CFAP43: variants seen among roughly 807,000 people sequenced by gnomAD.
CFAP43 encodes the protein cilia- and flagella-associated protein 43.
CFAP43 carries 155 observed loss-of-function variants against 218.9 expected under a neutral mutation model. The observed-to-expected ratio is 0.71, with a 90% CI of 0.62 to 0.81. The LOEUF (loss-of-function observed/expected upper bound fraction) is 0.81, where lower values mean the gene tolerates loss of function less well. CFAP43 is among the 30% of genes least tolerant of loss of function. The pLI is 0.00. For synonymous variants in CFAP43, 645 were observed against 681.3 expected, an observed-to-expected ratio of 0.95 and a Z score of 0.83; for missense variants, 1,778 against 1,954.3, an observed-to-expected ratio of 0.91 and a Z score of 1.70.
intron 19 of CFAP43, among the ~76,000 whole-genome samples, chr10:104,174,526 T>C (rs2089538112): frequency 6.6e-6 from 1 of 152,170 alleles, no homozygotes; most frequent in South Asian, 2.1e-4. Context: ...TTATGGGAGC[T>C]ACAATTCAAG....
At chr10:104,181,094 T>G (rs2089826125) in intron 17 of CFAP43, among the ~76,000 whole-genome samples, 1 of 152,200 alleles carries the variant, frequency 6.6e-6, no homozygotes, top group Non-Finnish European at 1.5e-5. Context: ...CTAACAGGCT[T>G]CTCGAGCTTA....
At position 104,164,185 on chromosome 10, in the gene CFAP43, A is replaced by G; in HGVS notation, c.3155T>C (p.Ile1052Thr). Reference protein sequence around the residue: ...KERNVRIREIILDLELEEAVW... With the variant: ...KERNVRIREITLDLELEEAVW... ...TGCTTCTTCCAATTCCAGATCTAAA[A>G]TAATTTCTCGAATTCGAACATTTCT... The change falls in exon 24 of 38, where the codon ATT (isoleucine) becomes ACT (threonine). Residue 1052 changes from isoleucine (I) to threonine (T), a missense_variant. Ile to Thr is a moderately conservative substitution (Grantham distance 89, BLOSUM62 -1). This residue lies in a region of CFAP43 where 1,553 missense variants were observed against 1,685.2 expected (regional missense o/e 0.92). Coordinates refer to ENST00000357060, the MANE Select transcript of CFAP43 (RefSeq NM_025145.7). 9.9e-6 allele frequency: 16 copies of G among 1,614,180 alleles called. No individual in the cohort carries two copies. The highest frequency in any genetic ancestry group is 1.4e-5 in the Non-Finnish European group (16 of 1,180,032).
At chr10:104,167,952 T>C (rs2089245038) in intron 21 of CFAP43, among the ~76,000 whole-genome samples, 1 of 152,226 alleles carries the variant, frequency 6.6e-6, no homozygotes, top group Non-Finnish European at 1.5e-5. Context: ...TGTGAAGGGC[T>C]GATTTTTAGG....
chr10:104,210,166 A>AT (rs1297709416), intron 5 of CFAP43, among the ~76,000 whole-genome samples: 3 of 152,202 alleles, frequency 2.0e-5, no homozygotes, highest in Admixed American at 6.5e-5. Flanking sequence ...TTTTCTGAAT[A>AT]TTTTTGATCT....
intron 12 of CFAP43, among the ~76,000 whole-genome samples, chr10:104,191,388 G>A (rs1013159436): frequency 6.6e-6 from 1 of 152,066 alleles, no homozygotes; most frequent in Admixed American, 6.6e-5. Flanking sequence ...ATTTTGAGCA[G>A]GAATACTAAT....
At position 104,192,238 on chromosome 10, in the gene CFAP43, C is replaced by T; in HGVS notation, c.1507G>A (p.Ala503Thr). Reference sequence around the variant, plus strand: ...ATCTGAAATGAGCTTGAGGAGTTGGCATTGATAATAAAGACTTTTCCTTCT... The same window carrying T: ...ATCTGAAATGAGCTTGAGGAGTTGGTATTGATAATAAAGACTTTTCCTTCT... ...TAEGKVFIINANSSSSFQIIG... is the reference protein window; with the variant it reads ...TAEGKVFIINTNSSSSFQIIG... Residue 503 changes from alanine (A) to threonine (T), a missense_variant, in exon 12 of 38, where the codon GCC (alanine) becomes ACC (threonine). Coordinates refer to ENST00000357060, the MANE Select transcript of CFAP43 (RefSeq NM_025145.7). 1.2e-6 allele frequency: 2 copies of T among 1,612,904 alleles called. No homozygotes were observed. Among genetic ancestry groups the T allele is most frequent in the South Asian group, 1.1e-5 (1 of 91,000 alleles).
chr10:104,225,655 C>A, intron 2 of CFAP43, 98 bp from the exon 3 acceptor site: 1 of 984,448 alleles, frequency 1.0e-6, no homozygotes, highest in Non-Finnish European at 1.4e-6. Context: ...ATGATTTTCA[C>A]GTAATTCAAA....
chr10:104,146,118 G>T, intron 30 of CFAP43, 145 bp downstream of exon 30: 2 of 574,566 alleles, frequency 3.5e-6, no homozygotes, highest in Non-Finnish European at 6.1e-6. Flanking sequence ...ATATACAATG[G>T]CATAGAATGA....
chr10:104,223,382 TA>T (rs1365096302), intron 3 of CFAP43, among the ~76,000 whole-genome samples: 1 of 152,226 alleles, frequency 6.6e-6, no homozygotes, highest in African/African-American at 2.4e-5. Context: ...TAATAGACAC[TA>T]TTAGGTATGA....
At chr10:104,222,873 C>T (rs2091219021) in intron 3 of CFAP43, among the ~76,000 whole-genome samples, 1 of 152,052 alleles carries the variant, frequency 6.6e-6, no homozygotes, top group Non-Finnish European at 1.5e-5. Flanking sequence ...CTTATAGGGG[C>T]CAGGAAGTTA....
At position 104,232,310 on chromosome 10, in the gene CFAP43, C is replaced by T. The variant is rs1490851194; in HGVS notation, c.-64G>A. On this transcript the variant is annotated 5_prime_UTR_variant, in exon 1 of 38. Coordinates refer to ENST00000357060, the MANE Select transcript of CFAP43 (RefSeq NM_025145.7). ...CAGCACCCCAGGGCGGGTCGGTTAC[C>T]TTTCCGCCGCCGCGGGGCTGCGGGC... is the stretch of plus-strand genomic sequence containing the variant. 3 of 1,456,408 alleles carry T rather than the reference C, an allele frequency of 2.1e-6. No homozygotes were observed. Among genetic ancestry groups the T allele is most frequent in the Non-Finnish European group, 1.8e-6 (2 of 1,100,730 alleles). The allele number at this position is 1,456,408 out of a possible 1,614,324, so 90.2% of individuals were successfully genotyped here. A position where few individuals can be genotyped will look rare whatever the true frequency, so the allele number is the denominator to read the frequency against.
intron 8 of CFAP43, among the ~76,000 whole-genome samples, chr10:104,202,610 A>G (rs915345747): frequency 3.9e-5 from 6 of 152,078 alleles, no homozygotes; most frequent in Non-Finnish European, 7.4e-5. Flanking sequence ...CTTCTGATCT[A>G]TCTTCGAATT....
At chr10:104,196,761 T>A in intron 10 of CFAP43, 92 bp downstream of exon 10, 1 of 1,077,766 alleles carries the variant, frequency 9.3e-7, no homozygotes, top group Non-Finnish European at 1.3e-6. Context: ...CGGTAACAAG[T>A]ATTTCTACAG....
At chr10:104,157,664 T>C (rs1413542585) in intron 27 of CFAP43, among the ~76,000 whole-genome samples, 3 of 151,712 alleles carry the variant, frequency 2.0e-5, no homozygotes, top group African/African-American at 7.3e-5. Context: ...GAGACCTAAA[T>C]ATTAAATGAA....
Position 104,164,225 on chromosome 10 carries a change from C to T in CFAP43, c.3115G>A (p.Ala1039Thr). ...CGAACATTTCTTTCCTTCACGCGTG[C>T]AATTTCAAACTCTTTTTGTTTATAT... ...AAYKQKEFEI[A>T]RVKERNVRIR... Residue 1039 changes from alanine to threonine, a missense_variant, in exon 24 of 38, where the codon GCA becomes ACA. By Grantham distance (58) the Ala-to-Thr change is moderately conservative. Around this residue, in one of 3 missense-constraint regions of CFAP43, gnomAD observed 1,553 missense variants for 1,685.2 expected, o/e 0.92. Coordinates refer to ENST00000357060, the MANE Select transcript of CFAP43 (RefSeq NM_025145.7). The T allele has an allele frequency of 6.2e-7, 1 of 1,613,758 alleles. No homozygotes were observed. Among genetic ancestry groups the T allele is most frequent in the Non-Finnish European group, 8.5e-7 (1 of 1,179,892 alleles).
In CFAP43 at chr10:104,182,631, AATATGTGGACAATTCTTC is replaced by A. The variant is rs1181080966; in HGVS notation, c.2142-136_2142-119del. The A allele has an allele frequency of 5.1e-6, 5 of 985,480 alleles. No individual in the cohort carries two copies. The African/African-American group carries it at 8.5e-5, about 17-fold the overall frequency. 61.0% of individuals were successfully genotyped at this position (985,480 alleles called of 1,614,324 possible). Reference sequence around the variant, plus strand: ...CAGTTTATAGGTAACTAACCAAGGAAATATGTGGACAATTCTTCACAGTGCCTTGTGGAAACTTCTTCA... The same window carrying A: ...CAGTTTATAGGTAACTAACCAAGGAAACAGTGCCTTGTGGAAACTTCTTCA... On this transcript the variant is annotated intron_variant, in intron 16 of 37. Transcript: ENST00000357060.
chr10:104,176,619 A>G (rs1445050004), intron 19 of CFAP43, among the ~76,000 whole-genome samples: 2 of 152,228 alleles, frequency 1.3e-5, no homozygotes, highest in Middle Eastern at 3.2e-3. Context: ...ACCTAATAAT[A>G]AGGGCTACCT....
At chr10:104,142,425 C>T (rs1564714956) in intron 32 of CFAP43, 32 bp from the exon 33 acceptor site, 1 of 1,549,788 alleles carries the variant, frequency 6.5e-7, no homozygotes, top group African/African-American at 1.4e-5. Flanking sequence ...CATGTCAGAA[C>T]ATATGGAGCT....
chr10:104,174,077 T>G (rs2089520041), intron 19 of CFAP43, among the ~76,000 whole-genome samples: 1 of 152,162 alleles, frequency 6.6e-6, no homozygotes, highest in Admixed American at 6.5e-5. Flanking sequence ...GATATGATAG[T>G]CTACCTAGAT....
Sources: allele counts gnomAD v4.1 joint callset (sites outside exome capture counted in the v4.1 genomes callset), GRCh38; gene constraint gnomAD v4.1.1; regional missense constraint gnomAD v4.1.1; transcripts MANE v1.5; gene names NCBI Gene and HGNC (gene_info 2026-07-23, HGNC 2026-07-21).